Variants in TTC7A observed in about 807,000 individuals in gnomAD.
The protein encoded by TTC7A is tetratricopeptide repeat domain 7A.
Under a neutral mutation model 103.7 loss-of-function variants are expected in TTC7A, and 110 were observed. That is an observed-to-expected ratio of 1.06 (90% CI 0.91 to 1.24). TTC7A has a LOEUF of 1.24. TTC7A is among the 50% of genes most tolerant of loss of function. TTC7A has a pLI of 0.00. For missense variants in TTC7A, 1,340 were observed against 1,116.3 expected (o/e 1.20, Z -2.86); for synonymous variants, 521 against 467.9 (o/e 1.11, Z -1.47).
At chr2:46,944,676 A>G (rs936646934) in intron 1 of TTC7A, among the ~76,000 whole-genome samples, 2 of 151,946 alleles carry the variant, frequency 1.3e-5, no homozygotes, top group African/African-American at 4.8e-5. Context: ...CAGGCAACAT[A>G]CCTCAGGCAC....
intron 18 of TTC7A, among the ~76,000 whole-genome samples, chr2:47,059,770 C>G (rs916532685): frequency 6.6e-6 from 1 of 152,212 alleles, no homozygotes; most frequent in South Asian, 2.1e-4. Flanking sequence ...CAGCCCAGTG[C>G]AAACCCTGTC....
chr2:46,932,674 G>C (rs1045087558), intron 2 of TTC7A, among the ~76,000 whole-genome samples: 2 of 152,064 alleles, frequency 1.3e-5, no homozygotes, highest in African/African-American at 4.8e-5. Context: ...GCCAAGATGG[G>C]TGGATCACCT....
chr2:47,050,128 G>A (rs756259107), intron 17 of TTC7A, 82 bp downstream of exon 17: 1 of 1,214,086 alleles, frequency 8.2e-7, no homozygotes, highest in Non-Finnish European at 1.2e-6. Flanking sequence ...ACAGAGAGGG[G>A]CCGGGCCCTC....
rs1177724103 is a variant in TTC7A at position 46,993,895 on chromosome 2, G to A, written c.843+367G>A. Among the ~76,000 whole-genome samples the A allele has an allele frequency of 2.6e-5, 4 of 152,176 alleles. No individual in the cohort carries two copies. The East Asian group carries it at 7.7e-4, about 29-fold the overall frequency. ...ACCCTGCTTGCCTGCCCCAACACAG[G>A]CCTGCCCTCCTAGTCCTTAGTTTGT... On this transcript the variant is annotated intron_variant, in intron 6 of 19. Coordinates refer to ENST00000319190, the MANE Select transcript of TTC7A (RefSeq NM_020458.4).
chr2:46,923,736 C>CTTT (rs113000969), intron 2 of TTC7A, among the ~76,000 whole-genome samples: 1 of 145,790 alleles, frequency 6.9e-6, no homozygotes, highest in Admixed American at 6.9e-5. Context: ...TATAGAAAAA[C>CTTT]TTTTTTTTTT....
At chr2:46,973,302 C>T (rs553153059) in intron 3 of TTC7A, among the ~76,000 whole-genome samples, 1 of 152,272 alleles carries the variant, frequency 6.6e-6, no homozygotes, top group East Asian at 1.9e-4. Flanking sequence ...TTTTGCAGCA[C>T]AGCCAGGTTT....
chr2:46,968,170 A>C (rs533525731), intron 3 of TTC7A, among the ~76,000 whole-genome samples: 35 of 152,346 alleles, frequency 2.3e-4, no homozygotes, highest in Non-Finnish European at 4.6e-4. Flanking sequence ...GTTGGGCCTG[A>C]GGCTGTGCCA....
At chr2:46,940,811 C>T (rs1670265592), upstream of TTC7A, among the ~76,000 whole-genome samples, 1 of 152,080 alleles carries the variant, frequency 6.6e-6, no homozygotes, top group South Asian at 2.1e-4. The surrounding 1 kb of genome is among the most constrained non-coding windows in gnomAD (Gnocchi z 4.7). Context: ...CAGCGGCAGG[C>T]CAGCTCCCGG....
chr2:47,040,110 C>G (rs550584357), intron 15 of TTC7A, among the ~76,000 whole-genome samples: 7 of 152,218 alleles, frequency 4.6e-5, no homozygotes, highest in Admixed American at 4.6e-4. Context: ...GAGGGGTGGC[C>G]GGTGTGGTCT....
Position 47,001,990 on chromosome 2 carries a change from G to C in TTC7A, c.1066-3932G>C, listed in dbSNP as rs1676870325. ...GGCCTTTCCCTAAGGTCCCATGTTT[G>C]CTTCATGGATACTTGGTCAAAGACC... On this transcript the variant is annotated intron_variant, in intron 8 of 19. Transcript: ENST00000319190. 2.0e-5 allele frequency among the ~76,000 whole-genome samples: 3 copies of C among 152,288 alleles called. No homozygotes were observed. The South Asian group carries it at 6.2e-4, about 32-fold the overall frequency.
intron 3 of TTC7A, among the ~76,000 whole-genome samples, chr2:46,960,159 G>C (rs1312084065): frequency 6.6e-6 from 1 of 152,146 alleles, no homozygotes; most frequent in Non-Finnish European, 1.5e-5. Context: ...TGGGAGGTGG[G>C]CTGGGCCCTG....
Position 47,075,318 on chromosome 2 carries a change from T to C in TTC7A, c.*1395T>C, listed in dbSNP as rs1685133716. On this transcript the variant is annotated 3_prime_UTR_variant, in exon 20 of 20. Transcript: ENST00000319190. Reference sequence around the variant, plus strand: ...ATAAATATAGTTTTTTATCTATATATATAAAATAGAGATCTATTTTTTTTC... The same window carrying C: ...ATAAATATAGTTTTTTATCTATATACATAAAATAGAGATCTATTTTTTTTC... 6.6e-6 allele frequency: 1 copy of C among 152,230 alleles called. No individual in the cohort carries two copies. Among genetic ancestry groups the C allele is most frequent in the African/African-American group, 2.4e-5 (1 of 41,466 alleles). The allele number at this position is 152,230 out of a possible 1,614,324, so 9.4% of individuals were successfully genotyped here.
chr2:47,000,242 G>A (rs1676658687), intron 8 of TTC7A, among the ~76,000 whole-genome samples: 4 of 148,916 alleles, frequency 2.7e-5, no homozygotes, highest in African/African-American at 2.5e-5. Context: ...CTGGATTAAG[G>A]GTGCCATTCA....
intron 4 of TTC7A, among the ~76,000 whole-genome samples, chr2:46,976,910 T>C (rs1673939568): frequency 6.6e-6 from 1 of 152,232 alleles, no homozygotes; most frequent in Non-Finnish European, 1.5e-5. Context: ...AATATAGGAC[T>C]TGAGTGCCCA....
At chr2:46,957,104 C>A in intron 3 of TTC7A, 97 bp downstream of exon 3, 1 of 1,492,452 alleles carries the variant, frequency 6.7e-7, no homozygotes, top group Non-Finnish European at 9.2e-7. Context: ...AGATTCTTCA[C>A]CCCTGGTAGT....
Position 46,950,868 on chromosome 2 carries a change from T to C in TTC7A, c.348+342T>C, listed in dbSNP as rs529644614. Among the ~76,000 whole-genome samples the C allele has an allele frequency of 1.1e-4, 17 of 152,388 alleles. No individual in the cohort carries two copies. The South Asian group carries it at 3.3e-3, about 30-fold the overall frequency. ...ATAAAACATGTTATTAAAATTAATT[T>C]CACCTTTTACCTTTTTCAGTGTGAC... On this transcript the variant is annotated intron_variant, in intron 2 of 19. Coordinates refer to ENST00000319190, the MANE Select transcript of TTC7A (RefSeq NM_020458.4).
intron 2 of TTC7A, among the ~76,000 whole-genome samples, chr2:46,923,463 C>T (rs1669213596): frequency 6.6e-6 from 1 of 152,182 alleles, no homozygotes; most frequent in South Asian, 2.1e-4. Flanking sequence ...AAAACAGGGT[C>T]AAAGACCAAA....
chr2:47,042,883 A>G (rs1031881017), intron 15 of TTC7A, among the ~76,000 whole-genome samples: 1 of 152,200 alleles, frequency 6.6e-6, no homozygotes, highest in African/African-American at 2.4e-5. Flanking sequence ...TTTATAAGAC[A>G]GGTAAGCAAG....
chr2:47,002,865 G>C (rs1676976078), intron 8 of TTC7A, among the ~76,000 whole-genome samples: 1 of 152,016 alleles, frequency 6.6e-6, no homozygotes, highest in East Asian at 1.9e-4. Context: ...TCTGCTTCTG[G>C]CTGGGGAATC....
Sources: allele counts gnomAD v4.1 joint callset (sites outside exome capture counted in the v4.1 genomes callset), GRCh38; gene constraint gnomAD v4.1.1; non-coding constraint Gnocchi (gnomAD v3.1); transcripts MANE v1.5; gene names NCBI Gene and HGNC (gene_info 2026-07-23, HGNC 2026-07-21).